CNTNAP3B: variants seen among roughly 807,000 people sequenced by gnomAD.
The protein encoded by CNTNAP3B is contactin-associated protein-like 3B.
A neutral mutation model predicts 108.9 loss-of-function variants in CNTNAP3B; 25 were observed. The ratio of observed to expected loss-of-function variants is 0.23; its 90% CI spans 0.17 to 0.32. The LOEUF (loss-of-function observed/expected upper bound fraction) is 0.32, where lower values mean the gene tolerates loss of function less well. Ranked by LOEUF, CNTNAP3B falls within the 10% of genes least tolerant of loss-of-function variation. The pLI is 1.00. For missense variants in CNTNAP3B, 252 were observed against 1,210.4 expected (o/e 0.21, Z 11.75); for synonymous variants, 103 against 473.4 (o/e 0.22, Z 10.16).
At chr9:41,950,782 A>G (rs181013802) in intron 13 of CNTNAP3B, among the ~76,000 whole-genome samples, 1,265 of 122,998 alleles carry the variant, frequency 0.01, 1 homozygote, top group Non-Finnish European at 0.013. Flanking sequence ...TTGAGACGGA[A>G]CGGAGTCTTG....
intron 13 of CNTNAP3B, among the ~76,000 whole-genome samples, chr9:41,952,148 G>T (rs1239924166): frequency 5.9e-5 from 9 of 152,256 alleles, no homozygotes; most frequent in African/African-American, 1.7e-4. Context: ...TGCAGGTATG[G>T]GTTAGTGGAT....
At chr9:42,122,475 C>T (rs1428215000) in intron 1 of CNTNAP3B, among the ~76,000 whole-genome samples, 1 of 131,138 alleles carries the variant, frequency 7.6e-6, no homozygotes, top group African/African-American at 3.0e-5. Context: ...TTTCTTAACA[C>T]AGCTGTGGAC....
At chr9:41,921,201 A>T (rs1361202889) in intron 17 of CNTNAP3B, among the ~76,000 whole-genome samples, 1 of 152,300 alleles carries the variant, frequency 6.6e-6, no homozygotes, top group Non-Finnish European at 1.5e-5. Context: ...TTCTAGGTGA[A>T]TTTTATGCTA....
chr9:42,121,199 C>A (rs144676376), intron 1 of CNTNAP3B, among the ~76,000 whole-genome samples: 1,480 of 138,132 alleles, frequency 0.011, 337 homozygotes, highest in African/African-American at 0.039. Context: ...CACATTCTAC[C>A]GGCTTCCTGA....
At chr9:42,063,247 T>A (rs1402237337) in intron 3 of CNTNAP3B, among the ~76,000 whole-genome samples, 2 of 128,012 alleles carry the variant, frequency 1.6e-5, no homozygotes, top group Admixed American at 1.6e-4. Flanking sequence ...CTCTTGACTT[T>A]GTGTGTGTGT....
At chr9:41,960,004 T>A (rs1472258397) in intron 12 of CNTNAP3B, 2 of 152,122 alleles carry the variant, frequency 1.3e-5, no homozygotes, top group African/African-American at 4.8e-5. Context: ...TCCTTTTTTT[T>A]TTTTTTTTTT....
At chr9:41,964,693 A>G in intron 10 of CNTNAP3B, 49 bp from the exon 11 acceptor site, 2 of 1,535,762 alleles carry the variant, frequency 1.3e-6, no homozygotes, top group Admixed American at 2.0e-5. Flanking sequence ...AATCATCAAA[A>G]AATAAGTGTC....
At chr9:41,962,464 C>A (rs1306813661) in intron 11 of CNTNAP3B, among the ~76,000 whole-genome samples, 1 of 151,684 alleles carries the variant, frequency 6.6e-6, no homozygotes, top group African/African-American at 2.4e-5. Flanking sequence ...ACATTAAATG[C>A]AATCAGACAA....
At chr9:42,116,003 A>T (rs1435279021) in intron 1 of CNTNAP3B, among the ~76,000 whole-genome samples, 1 of 138,726 alleles carries the variant, frequency 7.2e-6, no homozygotes, top group African/African-American at 2.9e-5. Flanking sequence ...AACTAGAATA[A>T]ACAGCGTAGA....
rs1214326050 is a variant in CNTNAP3B at position 41,934,122 on chromosome 9, T to TATATATATATATACAC, written c.2237+4121_2237+4122insGTGTATATATATATAT. Among the ~76,000 whole-genome samples, 24 of 73,430 alleles carry TATATATATATATACAC rather than the reference T, an allele frequency of 3.3e-4. 2 individuals are homozygous for TATATATATATATACAC. Among genetic ancestry groups the TATATATATATATACAC allele is most frequent in the African/African-American group, 1.2e-3 (20 of 17,038 alleles). 48.2% of individuals were successfully genotyped at this position (73,430 alleles called of 152,430 possible). On this transcript the variant is annotated intron_variant, in intron 14 of 23. Transcript: ENST00000377561. The stretch of plus-strand genomic sequence containing the variant: ...TTACATATATATATATATATATATA[T>TATATATATATATACAC]ACACACACATATATATATACACACA...
intron 3 of CNTNAP3B, among the ~76,000 whole-genome samples, chr9:42,055,449 G>A (rs1183009583): frequency 1.4e-5 from 2 of 144,500 alleles, no homozygotes; most frequent in Non-Finnish European, 1.5e-5. Flanking sequence ...GAGTATAAAT[G>A]TACCATGACC....
intron 9 of CNTNAP3B, among the ~76,000 whole-genome samples, chr9:41,972,773 T>C (rs1266283761): frequency 2.2e-5 from 3 of 136,168 alleles, no homozygotes; most frequent in Non-Finnish European, 4.7e-5. Flanking sequence ...GAACTTTGTA[T>C]AATTCTACTG....
At chr9:41,943,500 C>A (rs1164687441) in intron 13 of CNTNAP3B, among the ~76,000 whole-genome samples, 1 of 151,968 alleles carries the variant, frequency 6.6e-6, no homozygotes, top group Non-Finnish European at 1.5e-5. Flanking sequence ...CTACAGGCGC[C>A]TGCCACCACG....
At chr9:41,921,242 C>G in intron 17 of CNTNAP3B, among the ~76,000 whole-genome samples, 1 of 152,292 alleles carries the variant, frequency 6.6e-6, no homozygotes, top group East Asian at 1.9e-4. Context: ...CTTAAATAAT[C>G]TCCAAGATTA....
At chr9:42,123,519 G>A (rs1587290714) in intron 1 of CNTNAP3B, among the ~76,000 whole-genome samples, 1 of 124,142 alleles carries the variant, frequency 8.1e-6, no homozygotes, top group East Asian at 2.5e-4. Flanking sequence ...TTCCATTTTG[G>A]TCTAGTGTTC....
rs570057575 is a variant in CNTNAP3B at position 42,089,693 on chromosome 9, A to C, written c.197-12631T>G. Reference sequence around the variant, plus strand: ...AATCACTGAACCTAGTCAGTGTGCCAAGAAAGCATGATCACATGGAAGGAC... The same window carrying C: ...AATCACTGAACCTAGTCAGTGTGCCCAGAAAGCATGATCACATGGAAGGAC... On this transcript the variant is annotated intron_variant, in intron 2 of 23. Coordinates refer to ENST00000377561, the MANE Select transcript of CNTNAP3B (RefSeq NM_001201380.3). Among the ~76,000 whole-genome samples, 3 of 148,126 alleles carry C rather than the reference A, an allele frequency of 2.0e-5. No homozygotes were observed. The South Asian group carries it at 6.5e-4, about 32-fold the overall frequency.
rs559450023 is a variant in CNTNAP3B, at chr9:41,953,358, G to A, written c.1905C>T (p.His635=). The change falls in exon 13 of 24, where the codon CAC becomes CAT. Residue 635 remains histidine, a synonymous_variant. Coordinates refer to ENST00000377561, the MANE Select transcript of CNTNAP3B (RefSeq NM_001201380.3). The part of the protein sequence containing the change: ...TADSAWTVVR[H]GGPDAVTLRG... ...GGAGGGTCACCGCGTCGGGGCCACC[G>A]TGCCGCACCACCGTCCACGCGGAGT... 2.8e-5 allele frequency: 44 copies of A among 1,552,244 alleles called. No homozygotes were observed. The Admixed American group carries it at 4.7e-4, about 17-fold the overall frequency.
At chr9:41,934,283 A>T (rs1377901837) in intron 14 of CNTNAP3B, among the ~76,000 whole-genome samples, 2 of 142,948 alleles carry the variant, frequency 1.4e-5, no homozygotes, top group African/African-American at 5.3e-5. Flanking sequence ...CAGTGGTGTG[A>T]TCTTGACTCA....
intron 13 of CNTNAP3B, among the ~76,000 whole-genome samples, chr9:41,948,309 C>T (rs1194518009): frequency 6.6e-6 from 1 of 152,062 alleles, no homozygotes; most frequent in South Asian, 2.1e-4. Flanking sequence ...CCAGGCAGGT[C>T]TCGAACTCCT....
Sources: gnomAD v4.1 joint callset for allele counts (sites outside exome capture counted in the v4.1 genomes callset) on GRCh38, gnomAD v4.1.1 for gene constraint, MANE v1.5 for transcripts, NCBI Gene and HGNC (gene_info 2026-07-23, HGNC 2026-07-21) for gene names.